Variants in TOP3A observed in about 807,000 individuals in gnomAD.
TOP3A encodes the protein DNA topoisomerase III alpha.
Under a neutral mutation model 111.3 loss-of-function variants are expected in TOP3A, and 64 were observed. The ratio of observed to expected loss-of-function variants is 0.57; its 90% CI spans 0.47 to 0.71. The LOEUF (loss-of-function observed/expected upper bound fraction) is 0.71, where lower values mean the gene tolerates loss of function less well. Among genes scored for constraint, TOP3A ranks in the 30% least tolerant of loss-of-function variants. TOP3A has a pLI of 0.00. For missense variants in TOP3A, 1,104 were observed against 1,285.0 expected (o/e 0.86, Z 2.15); for synonymous variants, 484 against 485.1 (o/e 1.00, Z 0.03).
chr17:18,298,248 G>A (rs1980973408), intron 9 of TOP3A, among the ~76,000 whole-genome samples: 1 of 149,804 alleles, frequency 6.7e-6, no homozygotes, highest in Admixed American at 6.6e-5. Context: ...TCTGAGAAGT[G>A]AGAAGCCCCT....
chr17:18,287,193 T>G (rs1024977748), intron 13 of TOP3A, among the ~76,000 whole-genome samples: 38 of 152,030 alleles, frequency 2.5e-4, no homozygotes, highest in African/African-American at 8.7e-4. Flanking sequence ...AGGGTGCAAG[T>G]TCAAGACCAG....
intron 17 of TOP3A, 183 bp downstream of exon 17, chr17:18,280,353 A>T (rs953054233): frequency 1.0e-5 from 6 of 577,554 alleles, no homozygotes; most frequent in Non-Finnish European, 1.7e-5. Context: ...CTGCCAAAGC[A>T]GTGACAGCAT....
chr17:18,309,571 G>C (rs1981785544), intron 1 of TOP3A, among the ~76,000 whole-genome samples: 2 of 151,934 alleles, frequency 1.3e-5, no homozygotes, highest in African/African-American at 4.8e-5. Context: ...TTGAGCCCAG[G>C]AGGTGGACGT....
At chr17:18,295,827 C>T (rs1277026434) in intron 9 of TOP3A, among the ~76,000 whole-genome samples, 3 of 148,212 alleles carry the variant, frequency 2.0e-5, no homozygotes, top group Admixed American at 1.4e-4. Flanking sequence ...AGTGCAGTGG[C>T]GTGATCTCGG....
At chr17:18,282,488 T>C (rs1979818811) in intron 16 of TOP3A, among the ~76,000 whole-genome samples, 1 of 152,192 alleles carries the variant, frequency 6.6e-6, no homozygotes, top group Non-Finnish European at 1.5e-5. Flanking sequence ...TCATTCAGTT[T>C]CTCACCTGCT....
intron 13 of TOP3A, among the ~76,000 whole-genome samples, chr17:18,288,905 A>G (rs1980293413): frequency 6.6e-6 from 1 of 152,186 alleles, no homozygotes; most frequent in South Asian, 2.1e-4. Context: ...GCTTAGTCCA[A>G]GCTCTCACTC....
intron 16 of TOP3A, 47 bp from the exon 17 acceptor site, chr17:18,280,705 C>G: frequency 6.2e-7 from 1 of 1,602,808 alleles, no homozygotes; most frequent in Non-Finnish European, 8.5e-7. Flanking sequence ...AGGAGATGCT[C>G]TCCGCTGTTG....
chr17:18,305,741 G>A (rs1312166293), intron 4 of TOP3A, among the ~76,000 whole-genome samples: 2 of 152,134 alleles, frequency 1.3e-5, no homozygotes, highest in Admixed American at 1.3e-4. Flanking sequence ...GGGAAGCTGA[G>A]GCAGGAGAAT....
At chr17:18,302,036 G>C in intron 7 of TOP3A, 51 bp from the exon 8 acceptor site, 1 of 1,522,832 alleles carries the variant, frequency 6.6e-7, no homozygotes, top group Non-Finnish European at 9.1e-7. Context: ...GACATGTCAT[G>C]ATATGACAGA....
At chr17:18,305,367 T>A in intron 4 of TOP3A, 147 bp from the exon 5 acceptor site, 1 of 672,634 alleles carries the variant, frequency 1.5e-6, no homozygotes, top group South Asian at 1.8e-5. Context: ...AGAAAACTGC[T>A]CTCATTGGTG....
intron 10 of TOP3A, among the ~76,000 whole-genome samples, chr17:18,294,403 C>T (rs1268962201): frequency 6.6e-6 from 1 of 152,038 alleles, no homozygotes; most frequent in African/African-American, 2.4e-5. Context: ...GATCTCACCT[C>T]ACTGCAACCT....
At chr17:18,300,704 T>C (rs1384787224) in intron 8 of TOP3A, among the ~76,000 whole-genome samples, 2 of 152,014 alleles carry the variant, frequency 1.3e-5, no homozygotes, top group African/African-American at 4.8e-5. Context: ...TATATGCAGG[T>C]ACCACCACGC....
chr17:18,306,817 A>G, intron 4 of TOP3A, 74 bp downstream of exon 4: 3 of 1,038,986 alleles, frequency 2.9e-6, no homozygotes, highest in Non-Finnish European at 4.4e-6. Context: ...ATGCCAATGC[A>G]TTAAAAACAA....
intron 8 of TOP3A, among the ~76,000 whole-genome samples, chr17:18,301,225 T>A (rs1053760785): frequency 4.6e-5 from 7 of 152,116 alleles, no homozygotes; most frequent in African/African-American, 1.7e-4. Context: ...GGAAGTGGCA[T>A]CAGAAAGTAA....
At chr17:18,280,400 G>A in intron 17 of TOP3A, 136 bp downstream of exon 17, 1 of 976,500 alleles carries the variant, frequency 1.0e-6, no homozygotes, top group Non-Finnish European at 1.5e-6. Context: ...TGCTGAACTG[G>A]CTGCTGCAGA....
At chr17:18,307,909 CAAAAA>C (rs146925164) in intron 3 of TOP3A, among the ~76,000 whole-genome samples, 1 of 68,410 alleles carries the variant, frequency 1.5e-5, no homozygotes, top group Non-Finnish European at 2.8e-5. Flanking sequence ...GACCCTGACT[CAAAAA>C]AAAAAAAAAA....
At chr17:18,297,954 C>T (rs1475322503) in intron 9 of TOP3A, among the ~76,000 whole-genome samples, 2 of 151,500 alleles carry the variant, frequency 1.3e-5, no homozygotes, top group African/African-American at 4.9e-5. Context: ...CTCTGCCCGG[C>T]CGCCATCCCA....
chr17:18,314,517 C>T, intron 1 of TOP3A, 82 bp downstream of exon 1: 1 of 1,461,130 alleles, frequency 6.8e-7, no homozygotes, highest in Non-Finnish European at 9.2e-7. Flanking sequence ...TCGCCTTCAT[C>T]TCGATTCTTG....
chr17:18,305,018 G>T, intron 5 of TOP3A, 94 bp downstream of exon 5: 1 of 975,522 alleles, frequency 1.0e-6, no homozygotes, highest in East Asian at 2.4e-5. Flanking sequence ...ACCTGCAGAG[G>T]ACCTCATCCG....
Sources: allele counts gnomAD v4.1 joint callset (sites outside exome capture counted in the v4.1 genomes callset), GRCh38; gene constraint gnomAD v4.1.1; transcripts MANE v1.5; gene names NCBI Gene and HGNC (gene_info 2026-07-23, HGNC 2026-07-21).